Variants in NUGGC observed in about 807,000 individuals in gnomAD.
The protein encoded by NUGGC is nuclear GTPase SLIP-GC.
A neutral mutation model predicts 92.6 loss-of-function variants in NUGGC; 58 were observed. The observed-to-expected ratio is 0.63, with a 90% CI of 0.51 to 0.78. NUGGC has a LOEUF of 0.78. NUGGC is among the 30% of genes least tolerant of loss of function. The probability of loss-of-function intolerance (pLI) is 0.00; values close to 1 mark genes in which losing one functional copy is unlikely to be tolerated. For missense variants in NUGGC, 925 were observed against 964.6 expected, an observed-to-expected ratio of 0.96 and a Z score of 0.54; for synonymous variants, 376 against 366.4, an observed-to-expected ratio of 1.03 and a Z score of -0.30.
chr8:28,030,863 G>C (rs1470779784), intron 15 of NUGGC, among the ~76,000 whole-genome samples: 1 of 152,210 alleles, frequency 6.6e-6, no homozygotes, highest in Non-Finnish European at 1.5e-5. Context: ...ACTTCTTTAA[G>C]TTTCACTGCA....
chr8:28,054,319 T>A (rs1021855683), intron 10 of NUGGC, among the ~76,000 whole-genome samples: 3 of 151,742 alleles, frequency 2.0e-5, no homozygotes, highest in African/African-American at 7.3e-5. Context: ...TCATCTCCAC[T>A]AAAAATACAA....
chr8:28,036,836 A>G (rs757925631), intron 13 of NUGGC, among the ~76,000 whole-genome samples: 11 of 152,190 alleles, frequency 7.2e-5, no homozygotes, highest in Non-Finnish European at 1.3e-4. Context: ...ACTGTAAGGG[A>G]AATGGCTGCG....
chr8:28,042,274 A>G (rs952983000), intron 12 of NUGGC, among the ~76,000 whole-genome samples: 11 of 152,124 alleles, frequency 7.2e-5, no homozygotes, highest in Non-Finnish European at 1.3e-4. Flanking sequence ...TGTTCCCCAC[A>G]TGGGAACCTT....
At chr8:28,035,475 C>T (rs986245762) in intron 13 of NUGGC, among the ~76,000 whole-genome samples, 4 of 152,148 alleles carry the variant, frequency 2.6e-5, no homozygotes, top group South Asian at 2.1e-4. Context: ...CAAAGATACC[C>T]GGCTGCTCGC....
At chr8:28,041,015 T>C (rs1319514561) in intron 13 of NUGGC, 36 bp downstream of exon 13, 1 of 1,563,100 alleles carries the variant, frequency 6.4e-7, no homozygotes, top group Non-Finnish European at 8.7e-7. Flanking sequence ...GCAGGCCTCC[T>C]GGAATATCTG....
At chr8:28,057,474 T>A in intron 9 of NUGGC, among the ~76,000 whole-genome samples, 1 of 151,918 alleles carries the variant, frequency 6.6e-6, no homozygotes, top group Non-Finnish European at 1.5e-5. Flanking sequence ...ACTGAGTAGC[T>A]GGGATTACAG....
intron 1 of NUGGC, among the ~76,000 whole-genome samples, chr8:28,077,548 C>G (rs544133827): frequency 6.6e-6 from 1 of 151,664 alleles, no homozygotes; most frequent in Non-Finnish European, 1.5e-5. Context: ...GCCTGGGTGA[C>G]AGCAAGACCC....
chr8:28,046,322 T>C (rs1809832671), intron 11 of NUGGC, among the ~76,000 whole-genome samples: 1 of 152,156 alleles, frequency 6.6e-6, no homozygotes, highest in Admixed American at 6.5e-5. Context: ...TTAACCTCCA[T>C]TCACATACCT....
intron 7 of NUGGC, 66 bp downstream of exon 7, chr8:28,064,456 T>C (rs1810385784): frequency 7.5e-7 from 1 of 1,328,390 alleles, no homozygotes; most frequent in Admixed American, 1.8e-5. Context: ...CAGAGCATTC[T>C]TTGTTGCTTG....
chr8:28,047,921 C>G (rs184990725), intron 10 of NUGGC, among the ~76,000 whole-genome samples: 14 of 152,214 alleles, frequency 9.2e-5, no homozygotes, highest in Admixed American at 1.3e-4. Context: ...GGAATAATAC[C>G]AGGATCCTTT....
At chr8:28,081,733 C>T (rs988623846) in intron 1 of NUGGC, among the ~76,000 whole-genome samples, 1 of 152,124 alleles carries the variant, frequency 6.6e-6, no homozygotes, top group Non-Finnish European at 1.5e-5. Context: ...AAAAAATTAG[C>T]CAGCCGTTGT....
At chr8:28,056,589 C>G (rs887464633) in intron 9 of NUGGC, among the ~76,000 whole-genome samples, 3 of 151,690 alleles carry the variant, frequency 2.0e-5, no homozygotes, top group African/African-American at 7.3e-5. Flanking sequence ...TGAAGATTTG[C>G]AACAATCTGA....
chr8:28,077,956 T>C (rs1194638280), intron 1 of NUGGC, among the ~76,000 whole-genome samples: 1 of 152,232 alleles, frequency 6.6e-6, no homozygotes, highest in African/African-American at 2.4e-5. Flanking sequence ...CACTGAATTC[T>C]GGAATACGGG....
chr8:28,043,881 C>T (rs185271006), intron 12 of NUGGC, among the ~76,000 whole-genome samples: 14 of 152,296 alleles, frequency 9.2e-5, no homozygotes, highest in Admixed American at 3.3e-4. Context: ...ACGATTTCAG[C>T]GGACAAAGTC....
intron 9 of NUGGC, among the ~76,000 whole-genome samples, chr8:28,056,469 C>T (rs1399818559): frequency 6.8e-6 from 1 of 147,268 alleles, no homozygotes; most frequent in Non-Finnish European, 1.5e-5. Flanking sequence ...CAGAGTGAGA[C>T]TGTATCTCAA....
intron 14 of NUGGC, among the ~76,000 whole-genome samples, chr8:28,032,740 A>G (rs1306927958): frequency 2.0e-5 from 3 of 151,234 alleles, no homozygotes. Context: ...AAAAAAAAAA[A>G]AGAATTAGAG....
intron 1 of NUGGC, among the ~76,000 whole-genome samples, chr8:28,079,095 T>C (rs1335615814): frequency 6.6e-6 from 1 of 152,240 alleles, no homozygotes; most frequent in African/African-American, 2.4e-5. Flanking sequence ...TCCTGATAAA[T>C]AATTGTAACT....
At chr8:28,078,717 A>G (rs548807286) in intron 1 of NUGGC, among the ~76,000 whole-genome samples, 1 of 152,318 alleles carries the variant, frequency 6.6e-6, no homozygotes, top group South Asian at 2.1e-4. Context: ...CCGTGTGGCC[A>G]AGAGCAGTAC....
chr8:28,060,492 C>G lies in NUGGC; in HGVS notation c.1031G>C (p.Gly344Ala). The change falls in exon 8 of 19, where the codon GGC (glycine) becomes GCC (alanine). Residue 344 changes from glycine to alanine, a missense_variant. Gly to Ala is a moderately conservative substitution (Grantham distance 60). Coordinates refer to ENST00000413272, the MANE Select transcript of NUGGC (RefSeq NM_001010906.2). ...CACCAGGGCCACGTCCCTACAGAAG[C>G]CCCGCTGGCAGGCTTTGATGCTCTC... Reference protein sequence around the residue: ...LNESIKACQRGFCRDVALVVT... With the variant: ...LNESIKACQRAFCRDVALVVT... 1 of 1,613,928 alleles carries G rather than the reference C, an allele frequency of 6.2e-7. No homozygotes were observed. The highest frequency in any genetic ancestry group is 1.3e-5 in the African/African-American group (1 of 75,026).
Sources: gnomAD v4.1 joint callset for allele counts (sites outside exome capture counted in the v4.1 genomes callset) on GRCh38, gnomAD v4.1.1 for gene constraint, MANE v1.5 for transcripts, NCBI Gene and HGNC (gene_info 2026-07-23, HGNC 2026-07-21) for gene names.